The following NRG3 variants were observed in gnomAD, a reference collection of about 807,000 sequenced individuals.
NRG3 encodes pro-neuregulin-3, membrane-bound isoform.
NRG3 carries 31 observed loss-of-function variants against 66.9 expected under a neutral mutation model. The observed-to-expected ratio is 0.46, with a 90% CI of 0.35 to 0.63. The LOEUF (loss-of-function observed/expected upper bound fraction) is 0.63. Among genes scored for constraint, NRG3 ranks in the 20% least tolerant of loss-of-function variants. NRG3 has a pLI of 0.00. For missense variants in NRG3, 910 were observed against 878.9 expected (o/e 1.04, Z -0.45); for synonymous variants, 393 against 359.4 (o/e 1.09, Z -1.06).
At chr10:82,537,030 C>T (rs1847879517) in intron 2 of NRG3, among the ~76,000 whole-genome samples, 1 of 151,706 alleles carries the variant, frequency 6.6e-6, no homozygotes, top group African/African-American at 2.4e-5. Context: ...ACTTGAGGAC[C>T]CAAGACTGAT....
intron 1 of NRG3, among the ~76,000 whole-genome samples, chr10:82,048,938 A>C (rs2063450070): frequency 6.6e-6 from 1 of 152,158 alleles, no homozygotes; most frequent in Non-Finnish European, 1.5e-5. Context: ...ATCCCACAGA[A>C]ATACAAACTA....
intron 2 of NRG3, among the ~76,000 whole-genome samples, chr10:82,662,114 GTTC>G (rs1385097725): frequency 6.6e-6 from 1 of 152,230 alleles, no homozygotes; most frequent in African/African-American, 2.4e-5. Flanking sequence ...TACGTGAATA[GTTC>G]TTCTTCTAAA....
intron 1 of NRG3, among the ~76,000 whole-genome samples, chr10:82,165,214 A>T (rs1412978621): frequency 6.6e-6 from 1 of 152,026 alleles, no homozygotes; most frequent in East Asian, 1.9e-4. Context: ...ACAAATATTC[A>T]GTTTTTTTTC....
intron 2 of NRG3, among the ~76,000 whole-genome samples, chr10:82,730,855 C>T (rs1274046734): frequency 6.6e-6 from 1 of 152,150 alleles, no homozygotes; most frequent in Non-Finnish European, 1.5e-5. Flanking sequence ...GAGCCAATAA[C>T]TCTAGGCTGT....
At chr10:82,500,806 T>G (rs1844103686) in intron 2 of NRG3, among the ~76,000 whole-genome samples, 1 of 152,184 alleles carries the variant, frequency 6.6e-6, no homozygotes, top group Non-Finnish European at 1.5e-5. Context: ...AAAATGATGT[T>G]ATGTATAAAC....
intron 2 of NRG3, among the ~76,000 whole-genome samples, chr10:82,476,300 T>C (rs1379483941): frequency 2.0e-5 from 3 of 152,164 alleles, no homozygotes; most frequent in African/African-American, 7.2e-5. Flanking sequence ...GTATGTCAGT[T>C]CCTCAAAAAA....
intron 1 of NRG3, among the ~76,000 whole-genome samples, chr10:81,995,601 C>G (rs2060908223): frequency 6.6e-6 from 1 of 152,198 alleles, no homozygotes. Flanking sequence ...CTTGATTTAA[C>G]TTGTGTTGGC....
At chr10:82,431,999 G>C (rs978514998) in intron 2 of NRG3, among the ~76,000 whole-genome samples, 1 of 152,080 alleles carries the variant, frequency 6.6e-6, no homozygotes, top group Non-Finnish European at 1.5e-5. Context: ...CTTCAGACCA[G>C]ATATTCAGGT....
chr10:82,264,416 GC>G (rs1188890749), intron 1 of NRG3, among the ~76,000 whole-genome samples: 3 of 147,330 alleles, frequency 2.0e-5, no homozygotes, highest in Non-Finnish European at 4.5e-5. Flanking sequence ...CCCCACTCCC[GC>G]CCCGCCCGAT....
At chr10:82,694,295 T>C (rs996455459) in intron 2 of NRG3, among the ~76,000 whole-genome samples, 1 of 152,350 alleles carries the variant, frequency 6.6e-6, no homozygotes, top group South Asian at 2.1e-4. Context: ...ACAAAAGTTC[T>C]TCAAGTCCCC....
intron 1 of NRG3, among the ~76,000 whole-genome samples, chr10:82,074,076 G>GA (rs1333351863): frequency 0.032 from 4,648 of 145,434 alleles, 234 homozygotes; most frequent in African/African-American, 0.11. Context: ...TGAGTTCTCT[G>GA]AAAAAAAAAA....
intron 2 of NRG3, among the ~76,000 whole-genome samples, chr10:82,651,484 G>T (rs935019744): frequency 3.9e-5 from 6 of 152,212 alleles, no homozygotes; most frequent in Admixed American, 1.3e-4. Context: ...CATTCTGTCT[G>T]GGGAAAGCCA....
intron 2 of NRG3, among the ~76,000 whole-genome samples, chr10:82,384,288 T>C (rs2085829047): frequency 6.6e-6 from 1 of 152,154 alleles, no homozygotes. Context: ...TCAACTTTTA[T>C]TGTAAATTCA....
At chr10:81,998,460 A>T (rs541345571) in intron 1 of NRG3, among the ~76,000 whole-genome samples, 4 of 152,058 alleles carry the variant, frequency 2.6e-5, no homozygotes, top group Non-Finnish European at 5.9e-5. Flanking sequence ...AATTCTCCAC[A>T]CTGCTGTGTA....
At chr10:82,933,407 C>A (rs1284061809) in intron 4 of NRG3, among the ~76,000 whole-genome samples, 2 of 152,126 alleles carry the variant, frequency 1.3e-5, no homozygotes. Context: ...TTCTCTGAGG[C>A]CTTCTTTGTC....
Position 82,963,629 on chromosome 10 carries a change from G to A in NRG3, c.1284+4554G>A, listed in dbSNP as rs544074949. Among the ~76,000 whole-genome samples the A allele has an allele frequency of 2.3e-3, 344 of 152,240 alleles. 1 individual carries two copies. The highest frequency in any genetic ancestry group is 4.1e-3 in the Non-Finnish European group (282 of 68,024). ...CAGGAGGCAGAGCTTGCAGTGAGCC[G>A]AGATGGCTCCACTGCACTCCAGCCT... On this transcript the variant is annotated intron_variant, in intron 6 of 8. Transcript: ENST00000372141.
At chr10:81,909,619 A>G (rs1160595751) in intron 1 of NRG3, among the ~76,000 whole-genome samples, 1 of 152,190 alleles carries the variant, frequency 6.6e-6, no homozygotes, top group Non-Finnish European at 1.5e-5. Flanking sequence ...ACAGAGTAAC[A>G]ACAACATAAA....
At chr10:82,805,259 T>C (rs2061227873) in intron 3 of NRG3, among the ~76,000 whole-genome samples, 1 of 152,176 alleles carries the variant, frequency 6.6e-6, no homozygotes, top group Admixed American at 6.5e-5. Flanking sequence ...CTAGTTAGAC[T>C]GCAGCTTTCA....
intron 1 of NRG3, among the ~76,000 whole-genome samples, chr10:82,047,077 G>A (rs2063334461): frequency 6.6e-6 from 1 of 151,488 alleles, no homozygotes; most frequent in Non-Finnish European, 1.5e-5. Context: ...GATGATGCTG[G>A]CCTCATAAAA....
Sources: gnomAD v4.1 joint callset for allele counts (sites outside exome capture counted in the v4.1 genomes callset) on GRCh38, gnomAD v4.1.1 for gene constraint, MANE v1.5 for transcripts, NCBI Gene and HGNC (gene_info 2026-07-23, HGNC 2026-07-21) for gene names.